The following CMIP variants were observed in gnomAD, a reference collection of about 807,000 sequenced individuals.
CMIP encodes the protein c-Maf inducing protein.
CMIP carries 13 observed loss-of-function variants against 97.3 expected under a neutral mutation model. The ratio of observed to expected loss-of-function variants is 0.13; its 90% CI spans 0.09 to 0.21. CMIP has a LOEUF of 0.21. CMIP is among the 10% of genes least tolerant of loss of function. The pLI is 1.00. For missense variants in CMIP, 847 were observed against 1,024.9 expected (o/e 0.83, Z 2.37); for synonymous variants, 538 against 436.3 (o/e 1.23, Z -2.91).
At chr16:81,544,731 A>ATG (rs144782842) in intron 1 of CMIP, among the ~76,000 whole-genome samples, 5 of 147,936 alleles carry the variant, frequency 3.4e-5, no homozygotes, top group Admixed American at 3.3e-4. Flanking sequence ...GTATATGTGC[A>ATG]TGTGTGTGTG....
Position 81,479,330 on chromosome 16 carries a change from C to CT in CMIP, c.300+33796dup, listed in dbSNP as rs562549062. Among the ~76,000 whole-genome samples the CT allele has an allele frequency of 3.4e-3, 523 of 152,180 alleles. 2 individuals are homozygous for CT. Among genetic ancestry groups the CT allele is most frequent in the African/African-American group, 0.012 (500 of 41,508 alleles). ...TCTTGAGGGACTGTCAGCATGTGAC[C>CT]TTTTTTTAAATGGTGATAAAATACA... On this transcript the variant is annotated intron_variant, in intron 1 of 20. Coordinates refer to ENST00000537098, the MANE Select transcript of CMIP (RefSeq NM_198390.3).
In CMIP at chr16:81,531,148, G is replaced by C. The variant is rs545284597; in HGVS notation, c.301-76419G>C. Among the ~76,000 whole-genome samples the C allele has an allele frequency of 1.4e-4, 22 of 152,292 alleles. No homozygotes were observed. The South Asian group carries it at 4.4e-3, about 30-fold the overall frequency. The stretch of plus-strand genomic sequence containing the variant: ...TCATGCGGGAGGTCATGCTGGAGGA[G>C]AGTGGGCCCAAATCCAGTGACTGTG... On this transcript the variant is annotated intron_variant, in intron 1 of 20. Transcript: ENST00000537098.
intron 1 of CMIP, among the ~76,000 whole-genome samples, chr16:81,544,447 C>T (rs1307406559): frequency 4.7e-5 from 7 of 147,922 alleles, no homozygotes; most frequent in Non-Finnish European, 7.5e-5. Flanking sequence ...TGTGTGTGCG[C>T]GCACACAGGA....
At chr16:81,556,463 C>T (rs1044597002) in intron 1 of CMIP, among the ~76,000 whole-genome samples, 3 of 152,132 alleles carry the variant, frequency 2.0e-5, no homozygotes, top group African/African-American at 7.2e-5. Flanking sequence ...GCCAACAATG[C>T]GTGAAGGTTG....
intron 1 of CMIP, among the ~76,000 whole-genome samples, chr16:81,486,512 G>T (rs953842484): frequency 6.6e-6 from 1 of 152,162 alleles, no homozygotes; most frequent in South Asian, 2.1e-4. Context: ...ATTCAGGAGG[G>T]GTGCCCAGGG....
intron 1 of CMIP, among the ~76,000 whole-genome samples, chr16:81,524,504 C>T (rs1352178942): frequency 2.0e-5 from 3 of 152,246 alleles, no homozygotes; most frequent in Non-Finnish European, 4.4e-5. Context: ...ATCTGGAAGT[C>T]TTGGTGAGAC....
Position 81,652,175 on chromosome 16 carries a change from T to A in CMIP, c.478-28T>A. 6.3e-7 allele frequency: 1 copy of A among 1,585,000 alleles called. No homozygotes were observed. Among genetic ancestry groups the A allele is most frequent in the Non-Finnish European group, 8.7e-7 (1 of 1,154,424 alleles). On this transcript the variant is annotated intron_variant, in intron 3 of 20. Coordinates refer to ENST00000537098, the MANE Select transcript of CMIP (RefSeq NM_198390.3). The surrounding 1 kb of genome is among the most constrained non-coding windows in gnomAD (Gnocchi z 5.2). ...CTGCCTTCCTTACGTGAGTAACATG[T>A]TGCTGTCTCTTTATCTCTTTCAACC...
At chr16:81,706,497 G>A (rs570558788) in intron 19 of CMIP, among the ~76,000 whole-genome samples, 2 of 152,338 alleles carry the variant, frequency 1.3e-5, no homozygotes, top group East Asian at 1.9e-4. Flanking sequence ...CCCCCGGGGG[G>A]GCGCGGTCCT....
intron 1 of CMIP, among the ~76,000 whole-genome samples, chr16:81,457,072 T>C (rs1274398128): frequency 2.0e-5 from 3 of 152,088 alleles, no homozygotes; most frequent in African/African-American, 7.2e-5. Context: ...GTTCAAAGTC[T>C]ACTGTGGAGC....
chr16:81,481,056 C>T (rs1054575048), intron 1 of CMIP, among the ~76,000 whole-genome samples: 4 of 152,220 alleles, frequency 2.6e-5, no homozygotes, highest in African/African-American at 9.6e-5. Context: ...CACCTCAGGG[C>T]TTTGGCCCGG....
At chr16:81,481,414 C>T (rs192500549) in intron 1 of CMIP, among the ~76,000 whole-genome samples, 12 of 152,286 alleles carry the variant, frequency 7.9e-5, no homozygotes, top group South Asian at 2.1e-4. Context: ...GCTTTCCCAA[C>T]GTTACACAGC....
Position 81,445,582 on chromosome 16 carries a change from G to A in CMIP, c.300+41G>A, listed in dbSNP as rs1045789854. The A allele has an allele frequency of 8.5e-6, 13 of 1,524,194 alleles. No individual in the cohort carries two copies. In the African/African-American group the frequency reaches 1.5e-4, roughly 18 times the overall value. The allele number at this position is 1,524,194 out of a possible 1,614,324, so 94.4% of individuals were successfully genotyped here. ...CGGCTGCACCCCCGCCTCTCCTCGGGGCCCGAGATGCGCCCTCCCTGGCTG... is the reference window on the plus strand; with the variant it reads ...CGGCTGCACCCCCGCCTCTCCTCGGAGCCCGAGATGCGCCCTCCCTGGCTG... On this transcript the variant is annotated intron_variant, in intron 1 of 20. Coordinates refer to ENST00000537098, the MANE Select transcript of CMIP (RefSeq NM_198390.3).
At position 81,571,501 on chromosome 16, in the gene CMIP, C is replaced by T. The variant is rs554063640; in HGVS notation, c.301-36066C>T. ...AAGAGCCCAGCGCAGTGGCTCACAT[C>T]TGTAATCTCAGCATTTTGGGAGGCC... On this transcript the variant is annotated intron_variant, in intron 1 of 20. Transcript: ENST00000537098. 2.8e-4 allele frequency among the ~76,000 whole-genome samples: 39 copies of T among 139,932 alleles called. 1 individual carries two copies. In the South Asian group the frequency reaches 8.5e-3, roughly 30 times the overall value. The allele number at this position is 139,932 out of a possible 152,430, so 91.8% of individuals were successfully genotyped here.
At position 81,614,856 on chromosome 16, in the gene CMIP, C is replaced by CTT. The variant is rs1567611498; in HGVS notation, c.427-6019_427-6018insTT. Among the ~76,000 whole-genome samples, 3 of 149,470 alleles carry CTT rather than the reference C, an allele frequency of 2.0e-5. 1 individual carries two copies. The highest frequency in any genetic ancestry group is 6.7e-3 in the Middle Eastern group (2 of 300). ...ATACGGTGTGTATGCACATGTATCT[C>CTT]TGTGTGTGCATGTGTGTGTGGTATG... is the stretch of plus-strand genomic sequence containing the variant. On this transcript the variant is annotated intron_variant, in intron 2 of 20. Transcript: ENST00000537098. The surrounding 1 kb of genome is among the most constrained non-coding windows in gnomAD (Gnocchi z 5.3).
chr16:81,470,833 T>C (rs1353476074), intron 1 of CMIP, among the ~76,000 whole-genome samples: 1 of 152,262 alleles, frequency 6.6e-6, no homozygotes, highest in Non-Finnish European at 1.5e-5. Context: ...AATTCTTGAC[T>C]TCCTCATGTG....
At chr16:81,539,222 A>G (rs774011671) in intron 1 of CMIP, among the ~76,000 whole-genome samples, 3 of 152,232 alleles carry the variant, frequency 2.0e-5, no homozygotes, top group Non-Finnish European at 4.4e-5. Context: ...CCAGGCCGGC[A>G]TCTCAATTGC....
intron 1 of CMIP, among the ~76,000 whole-genome samples, chr16:81,482,478 C>G (rs1012260315): frequency 9.9e-5 from 15 of 152,098 alleles, no homozygotes; most frequent in African/African-American, 2.9e-4. Context: ...GAGGGTGAGA[C>G]AGCAGAGGGC....
chr16:81,678,657 C>A (rs780655020), intron 10 of CMIP, 29 bp downstream of exon 10: 1 of 1,118,862 alleles, frequency 8.9e-7, no homozygotes, highest in Non-Finnish European at 1.3e-6. Context: ...TGCCCGCCCC[C>A]GGGGCCGGTG....
At chr16:81,475,688 A>C (rs2927332) in intron 1 of CMIP, among the ~76,000 whole-genome samples, 26,203 of 152,148 alleles carry the variant, frequency 0.17, 3,433 homozygotes, top group African/African-American at 0.37. Context: ...TCTGATGGTT[A>C]AGATAAAACA....
Sources: allele counts gnomAD v4.1 joint callset (sites outside exome capture counted in the v4.1 genomes callset), GRCh38; gene constraint gnomAD v4.1.1; non-coding constraint Gnocchi (gnomAD v3.1); transcripts MANE v1.5; gene names NCBI Gene and HGNC (gene_info 2026-07-23, HGNC 2026-07-21).